The following FAM20B variants were observed in gnomAD, a reference collection of about 807,000 sequenced individuals.
The protein encoded by FAM20B is FAM20B glycosaminoglycan xylosylkinase, also known as glycosaminoglycan xylosylkinase.
Under a neutral mutation model 43.8 loss-of-function variants are expected in FAM20B, and 23 were observed. The observed-to-expected ratio is 0.53, with a 90% CI of 0.38 to 0.74. The LOEUF (loss-of-function observed/expected upper bound fraction) is 0.74, where lower values mean the gene tolerates loss of function less well. FAM20B is among the 30% of genes least tolerant of loss of function. The pLI is 0.00. For synonymous variants in FAM20B, 178 were observed against 192.4 expected (o/e 0.93, Z 0.62); for missense variants, 440 against 510.5 (o/e 0.86, Z 1.33).
At chr1:179,027,588 T>G (rs1649839151) in intron 1 of FAM20B, among the ~76,000 whole-genome samples, 1 of 152,222 alleles carries the variant, frequency 6.6e-6, no homozygotes, top group Non-Finnish European at 1.5e-5. Flanking sequence ...CCATTTGAAA[T>G]TACTTATCAA....
At chr1:179,060,206 A>C (rs916212414) in intron 4 of FAM20B, among the ~76,000 whole-genome samples, 4 of 152,122 alleles carry the variant, frequency 2.6e-5, no homozygotes, top group Non-Finnish European at 4.4e-5. Flanking sequence ...GTATCACATC[A>C]AAAGAGCTTC....
intron 1 of FAM20B, among the ~76,000 whole-genome samples, chr1:179,030,509 T>G (rs1407566249): frequency 6.6e-6 from 1 of 152,212 alleles, no homozygotes; most frequent in African/African-American, 2.4e-5. Flanking sequence ...AGGTTGGCAA[T>G]AGCAGTGGCC....
At chr1:179,029,321 A>G (rs1649915944) in intron 1 of FAM20B, among the ~76,000 whole-genome samples, 1 of 152,244 alleles carries the variant, frequency 6.6e-6, no homozygotes, top group Non-Finnish European at 1.5e-5. Context: ...ATTCTTTAAC[A>G]TAGGCCTGGG....
intron 1 of FAM20B, among the ~76,000 whole-genome samples, chr1:179,026,715 T>C (rs1649803675): frequency 6.6e-6 from 1 of 152,184 alleles, no homozygotes; most frequent in African/African-American, 2.4e-5. Flanking sequence ...GTGTTAGCCC[T>C]CAGTGGGCTG....
At position 179,073,658 on chromosome 1, in the gene FAM20B, G is replaced by A. The variant is rs1652024169; in HGVS notation, c.*1514G>A. The A allele has an allele frequency of 6.6e-6, 1 of 152,078 alleles. No individual in the cohort carries two copies. The highest frequency in any genetic ancestry group is 2.4e-5 in the African/African-American group (1 of 41,378). The allele number at this position is 152,078 out of a possible 1,614,324, so 9.4% of individuals were successfully genotyped here. A position where few individuals can be genotyped will look rare whatever the true frequency, so the allele number is the denominator to read the frequency against. On this transcript the variant is annotated 3_prime_UTR_variant, in exon 8 of 8. Coordinates refer to ENST00000263733, the MANE Select transcript of FAM20B (RefSeq NM_014864.4). ...GCCTTCTGAGCCTTGAAATTGAGGA[G>A]GTTAAAAGGAAGAGCCTTAAGATTT... is the stretch of plus-strand genomic sequence containing the variant.
chr1:179,035,202 C>T, intron 1 of FAM20B: 2 of 416,754 alleles, frequency 4.8e-6, no homozygotes, highest in South Asian at 4.2e-5. Flanking sequence ...ACATGCTTTT[C>T]TGTAAATGTT....
rs1231016865 is a variant in FAM20B, at chr1:179,072,054, G to A, written c.1140G>A (p.Leu380=). The A allele has an allele frequency of 3.1e-6, 5 of 1,614,208 alleles. No homozygotes were observed. Among genetic ancestry groups the A allele is most frequent in the South Asian group, 1.1e-5 (1 of 91,088 alleles). ...PHLDAVDQRL[L]SVLATVKQCT... is the part of the protein sequence containing the mutation. ...TGGACGCCGTGGACCAGCGGCTCCT[G>A]AGTGTCCTGGCCACCGTGAAGCAGT... The change falls in exon 8 of 8, where the codon CTG becomes CTA. Residue 380 remains leucine (L), a synonymous_variant. Transcript: ENST00000263733.
rs1557870794 is a variant in FAM20B, at chr1:179,043,823, C to G, written c.-25C>G. On this transcript the variant is annotated 5_prime_UTR_variant, in exon 2 of 8. An upstream open reading frame in the 5' UTR gains an earlier in-frame stop. Coordinates refer to ENST00000263733, the MANE Select transcript of FAM20B (RefSeq NM_014864.4). ...CCTTAATACATGAGCAAGAGTGGGT[C>G]AGGGGAGAAGGAAAAGAGGTCAACA... 1 of 1,566,464 alleles carries G rather than the reference C, an allele frequency of 6.4e-7. No homozygotes were observed. The highest frequency in any genetic ancestry group is 8.7e-7 in the Non-Finnish European group (1 of 1,151,458).
intron 3 of FAM20B, among the ~76,000 whole-genome samples, chr1:179,050,769 A>T (rs1650972684): frequency 6.6e-6 from 1 of 152,232 alleles, no homozygotes; most frequent in African/African-American, 2.4e-5. Flanking sequence ...TATAGCATGA[A>T]ATATGAGTTT....
chr1:179,046,290 C>T (rs1020858084), intron 2 of FAM20B, among the ~76,000 whole-genome samples: 1 of 152,100 alleles, frequency 6.6e-6, no homozygotes, highest in African/African-American at 2.4e-5. Flanking sequence ...GACTTCTTGG[C>T]CTGAGAGATA....
chr1:179,024,930 G>T (rs1379988302), upstream of FAM20B, among the ~76,000 whole-genome samples: 1 of 152,192 alleles, frequency 6.6e-6, no homozygotes, highest in Non-Finnish European at 1.5e-5. Flanking sequence ...CAGTAAGAAA[G>T]AATTCTGTTC....
chr1:179,062,121 C>G (rs1651489361), intron 4 of FAM20B, among the ~76,000 whole-genome samples: 1 of 152,074 alleles, frequency 6.6e-6, no homozygotes, highest in Non-Finnish European at 1.5e-5. Context: ...ATCCTCCTGC[C>G]TCAGCCTTCC....
At chr1:179,047,025 C>G (rs1650803061) in intron 2 of FAM20B, among the ~76,000 whole-genome samples, 1 of 152,092 alleles carries the variant, frequency 6.6e-6, no homozygotes, top group South Asian at 2.1e-4. Flanking sequence ...TCACACCTAC[C>G]ACTTGTACAC....
At chr1:179,047,637 G>A (rs3766634) in intron 2 of FAM20B, among the ~76,000 whole-genome samples, 2 of 152,144 alleles carry the variant, frequency 1.3e-5, no homozygotes, top group Admixed American at 1.3e-4. Flanking sequence ...ATACTGACCT[G>A]TGCTGCTTTA....
chr1:179,041,328 G>A (rs895864283), intron 1 of FAM20B, among the ~76,000 whole-genome samples: 2 of 152,142 alleles, frequency 1.3e-5, no homozygotes, highest in Non-Finnish European at 2.9e-5. Context: ...AGGTTGTAGC[G>A]AGCCGAGATC....
In FAM20B at chr1:179,044,118, A is replaced by G; in HGVS notation, c.271A>G (p.Met91Val). Residue 91 changes from methionine to valine, a missense_variant, in exon 2 of 8, where the codon ATG becomes GTG. Physicochemically the swap from Met to Val is conservative, Grantham distance 21. Coordinates refer to ENST00000263733, the MANE Select transcript of FAM20B (RefSeq NM_014864.4). Reference protein sequence around the residue: ...TPELGAVMHAMATKKIIKADV... With the variant: ...TPELGAVMHAVATKKIIKADV... ...AGAGCTGGGGGCAGTCATGCATGCCATGGCCACCAAGAAAATCATTAAAGC... is the reference window on the plus strand; with the variant it reads ...AGAGCTGGGGGCAGTCATGCATGCCGTGGCCACCAAGAAAATCATTAAAGC... 1.9e-6 allele frequency: 3 copies of G among 1,614,174 alleles called. No homozygotes were observed. Among genetic ancestry groups the G allele is most frequent in the Middle Eastern group, 1.6e-4 (1 of 6,062 alleles).
At position 179,050,263 on chromosome 1, in the gene FAM20B, C is replaced by T. The variant is rs755333688; in HGVS notation, c.378-16C>T. ...GTAATCCACGTATACATCTGTGCTT[C>T]CCATTCACTTTGCAGGTATAGCCGA... is the stretch of plus-strand genomic sequence containing the variant. On this transcript the variant is annotated splice_polypyrimidine_tract_variant and intron_variant, in intron 2 of 7. Transcript: ENST00000263733. 5 of 1,590,596 alleles carry T rather than the reference C, an allele frequency of 3.1e-6. No homozygotes were observed. In the Admixed American group the frequency reaches 5.0e-5, roughly 16 times the overall value.
chr1:179,063,012 C>T (rs1651537815), intron 4 of FAM20B, among the ~76,000 whole-genome samples: 1 of 152,126 alleles, frequency 6.6e-6, no homozygotes, highest in Non-Finnish European at 1.5e-5. Context: ...CGCGGTAGCT[C>T]ACACCTGTAA....
intron 1 of FAM20B, among the ~76,000 whole-genome samples, chr1:179,032,693 A>G (rs1224382798): frequency 6.6e-6 from 1 of 152,176 alleles, no homozygotes; most frequent in East Asian, 1.9e-4. Flanking sequence ...AAGAAGAAAA[A>G]ATATCTATAG....
Sources: gnomAD v4.1 joint callset for allele counts (sites outside exome capture counted in the v4.1 genomes callset) on GRCh38, gnomAD v4.1.1 for gene constraint, MANE v1.5 for transcripts, NCBI Gene and HGNC (gene_info 2026-07-23, HGNC 2026-07-21) for gene names.